GTF2H5: variants seen among roughly 807,000 people sequenced by gnomAD.
The protein encoded by GTF2H5 is TFB5 ortholog.
GTF2H5 carries 5 observed loss-of-function variants against 7.1 expected under a neutral mutation model. The ratio of observed to expected loss-of-function variants is 0.71; its 90% CI spans 0.37 to 1.49. GTF2H5 has a LOEUF of 1.49. GTF2H5 is among the 40% of genes most tolerant of loss of function. GTF2H5 has a pLI of 0.03. For synonymous variants in GTF2H5, 30 were observed against 31.7 expected (o/e 0.95, Z 0.18); for missense variants, 80 against 83.0 (o/e 0.96, Z 0.14).
At chr6:158,171,535 T>G (rs1785856181) in intron 2 of GTF2H5, among the ~76,000 whole-genome samples, 1 of 152,040 alleles carries the variant, frequency 6.6e-6, no homozygotes, top group Non-Finnish European at 1.5e-5. Flanking sequence ...AAGGAGGAAG[T>G]GTTTTGTAGG....
chr6:158,185,951 G>A (rs1267566597), intron 2 of GTF2H5, among the ~76,000 whole-genome samples: 1 of 152,068 alleles, frequency 6.6e-6, no homozygotes, highest in Non-Finnish European at 1.5e-5. Context: ...CCGTGATGAC[G>A]CCTACTGCCC....
chr6:158,175,198 G>A (rs1221040805), intron 2 of GTF2H5, among the ~76,000 whole-genome samples: 1 of 152,114 alleles, frequency 6.6e-6, no homozygotes, highest in African/African-American at 2.4e-5. Context: ...TATTCCTACA[G>A]TGAGATTCAC....
At chr6:158,191,234 C>T (rs189408626) in intron 2 of GTF2H5, among the ~76,000 whole-genome samples, 2 of 152,186 alleles carry the variant, frequency 1.3e-5, no homozygotes, top group East Asian at 3.9e-4. Context: ...CCCTGCCTGA[C>T]CAAAGTGACT....
Position 158,195,781 on chromosome 6 carries a change from A to G in GTF2H5, c.*3624A>G, listed in dbSNP as rs142944969. 2.6e-5 allele frequency: 4 copies of G among 152,348 alleles called. No homozygotes were observed. The East Asian group carries it at 7.7e-4, about 29-fold the overall frequency. The allele number at this position is 152,348 out of a possible 1,614,324, so 9.4% of individuals were successfully genotyped here. On this transcript the variant is annotated 3_prime_UTR_variant, in exon 3 of 3. Transcript: ENST00000607778. ...CTGCTGTAACTAAAATACTGAGATC[A>G]TTCTATCTTAACAAACTTAACAGAT...
chr6:158,191,885 T>C, intron 2 of GTF2H5, 92 bp from the exon 3 acceptor site: 1 of 1,019,648 alleles, frequency 9.8e-7, no homozygotes, highest in Non-Finnish European at 1.5e-6. Context: ...AAAATCATTC[T>C]AAAAATTCTA....
chr6:158,187,478 A>G (rs1411853971), intron 2 of GTF2H5, among the ~76,000 whole-genome samples: 1 of 152,144 alleles, frequency 6.6e-6, no homozygotes, highest in African/African-American at 2.4e-5. Flanking sequence ...AGGGCCTGCC[A>G]TCTGCCATGT....
chr6:158,169,425 ATATAT>A (rs1344413494), intron 1 of GTF2H5, among the ~76,000 whole-genome samples: 5 of 72,842 alleles, frequency 6.9e-5, no homozygotes, highest in South Asian at 3.6e-4. Context: ...ATTATATATA[ATATAT>A]TGTATATTAT....
chr6:158,189,723 G>A (rs976519726), intron 2 of GTF2H5, among the ~76,000 whole-genome samples: 8 of 152,146 alleles, frequency 5.3e-5, no homozygotes, highest in East Asian at 1.9e-4. Flanking sequence ...CTTTCTGGTC[G>A]TTGTAGCAAA....
intron 2 of GTF2H5, among the ~76,000 whole-genome samples, chr6:158,181,401 G>A (rs903347234): frequency 1.3e-5 from 2 of 152,216 alleles, no homozygotes; most frequent in African/African-American, 4.8e-5. Flanking sequence ...TTGGTCCAGA[G>A]CTGAGTTCAA....
chr6:158,195,086 A>C lies in GTF2H5; in HGVS notation c.*2929A>C, dbSNP rs939322941. ...TCTGACTAGCATTATTTGATTTGGC[A>C]TACTTTACATGTCCAGAACAAGGCT... On this transcript the variant is annotated 3_prime_UTR_variant, in exon 3 of 3. Coordinates refer to ENST00000607778, the MANE Select transcript of GTF2H5 (RefSeq NM_207118.3). 2 of 152,110 alleles carry C rather than the reference A, an allele frequency of 1.3e-5. No individual in the cohort carries two copies. Among genetic ancestry groups the C allele is most frequent in the African/African-American group, 4.8e-5 (2 of 41,406 alleles). The allele number at this position is 152,110 out of a possible 1,614,324, so 9.4% of individuals were successfully genotyped here. A position where few individuals can be genotyped will look rare whatever the true frequency, so the allele number is the denominator to read the frequency against.
chr6:158,169,563 T>TAA (rs1554267011), intron 1 of GTF2H5, among the ~76,000 whole-genome samples: 1 of 92,774 alleles, frequency 1.1e-5, no homozygotes, highest in East Asian at 3.3e-4. Flanking sequence ...ATATTATATA[T>TAA]AATATATTGT....
intron 1 of GTF2H5, among the ~76,000 whole-genome samples, chr6:158,169,392 TA>T (rs1785719573): frequency 1.1e-5 from 1 of 93,880 alleles, no homozygotes; most frequent in Non-Finnish European, 1.9e-5. Flanking sequence ...ATATTATATA[TA>T]ATATTATATT....
chr6:158,187,863 G>A (rs1341864982), intron 2 of GTF2H5, among the ~76,000 whole-genome samples: 1 of 152,164 alleles, frequency 6.6e-6, no homozygotes, highest in Non-Finnish European at 1.5e-5. Flanking sequence ...ACCGCACCCG[G>A]CCAAGATCTC....
At chr6:158,178,145 C>T (rs576470420) in intron 2 of GTF2H5, among the ~76,000 whole-genome samples, 3 of 152,102 alleles carry the variant, frequency 2.0e-5, no homozygotes, top group South Asian at 2.1e-4. Context: ...GGAATCGCCA[C>T]GCTGTCTTCC....
At chr6:158,177,881 C>CCGA (rs1785954312) in intron 2 of GTF2H5, among the ~76,000 whole-genome samples, 2 of 152,130 alleles carry the variant, frequency 1.3e-5, no homozygotes, top group South Asian at 4.1e-4. Flanking sequence ...TCATCCATGT[C>CCGA]CCTACAAAGG....
chr6:158,169,026 G>A (rs973749425), intron 1 of GTF2H5, among the ~76,000 whole-genome samples: 1 of 151,874 alleles, frequency 6.6e-6, no homozygotes, highest in African/African-American at 2.4e-5. Flanking sequence ...TTGAGATCAG[G>A]AGTTCGAGAC....
intron 2 of GTF2H5, among the ~76,000 whole-genome samples, chr6:158,177,728 A>G (rs1018934911): frequency 2.0e-5 from 3 of 152,044 alleles, no homozygotes; most frequent in Non-Finnish European, 4.4e-5. Context: ...CCTAGACCCC[A>G]ACACCCCACA....
At position 158,169,693 on chromosome 6, in the gene GTF2H5, T is replaced by TTA. The variant is rs1554267111; in HGVS notation, c.-34-772_-34-771dup. The stretch of plus-strand genomic sequence containing the variant: ...TATATTATATAATATATAATATATA[T>TTA]TATATAATATATTGTATATTATATA... On this transcript the variant is annotated intron_variant, in intron 1 of 2. Coordinates refer to ENST00000607778, the MANE Select transcript of GTF2H5 (RefSeq NM_207118.3). Among the ~76,000 whole-genome samples the TTA allele has an allele frequency of 1.2e-4, 8 of 66,100 alleles. 1 individual carries two copies. Among genetic ancestry groups the TTA allele is most frequent in the Non-Finnish European group, 1.7e-4 (7 of 40,102 alleles). The allele number at this position is 66,100 out of a possible 152,430, so 43.4% of individuals were successfully genotyped here.
chr6:158,173,172 T>C (rs1366420738), intron 2 of GTF2H5, among the ~76,000 whole-genome samples: 1 of 152,232 alleles, frequency 6.6e-6, no homozygotes, highest in Non-Finnish European at 1.5e-5. Flanking sequence ...TTTAATAATG[T>C]TTCCCTGTGG....
Sources: gnomAD v4.1 joint callset for allele counts (sites outside exome capture counted in the v4.1 genomes callset) on GRCh38, gnomAD v4.1.1 for gene constraint, MANE v1.5 for transcripts, NCBI Gene and HGNC (gene_info 2026-07-23, HGNC 2026-07-21) for gene names.